TAB2: variants seen among roughly 807,000 people sequenced by gnomAD.
TAB2 encodes the protein TGF-beta-activated kinase 1 and MAP3K7-binding protein 2.
TAB2 carries 3 observed loss-of-function variants against 65.0 expected under a neutral mutation model. That is an observed-to-expected ratio of 0.05 (90% CI 0.02 to 0.12). The LOEUF is 0.12. Among genes scored for constraint, TAB2 ranks in the 10% least tolerant of loss-of-function variants. The pLI, the probability that TAB2 is intolerant of heterozygous loss-of-function variation, is 1.00. For missense variants in TAB2, 623 were observed against 840.3 expected (o/e 0.74, Z 3.20); for synonymous variants, 298 against 285.1 (o/e 1.05, Z -0.46).
chr6:149,364,358 C>G (rs1462586784), intron 1 of TAB2, among the ~76,000 whole-genome samples: 2 of 152,058 alleles, frequency 1.3e-5, no homozygotes, highest in Non-Finnish European at 2.9e-5. Flanking sequence ...GATCTTTGCT[C>G]TCTACAGTTT....
chr6:149,218,023 T>C (rs371379339), upstream of TAB2: 4 of 152,208 alleles, frequency 2.6e-5, no homozygotes, highest in East Asian at 1.9e-4. Flanking sequence ...AGGCCATTCA[T>C]AGCAGAACTA....
chr6:149,396,504 G>T (rs1782177229), intron 3 of TAB2, among the ~76,000 whole-genome samples: 1 of 152,174 alleles, frequency 6.6e-6, no homozygotes, highest in Middle Eastern at 3.2e-3. Context: ...TCTAGAGGTT[G>T]TTTAAAGTTC....
chr6:149,360,824 C>T (rs1242679829), intron 1 of TAB2, among the ~76,000 whole-genome samples: 1 of 152,170 alleles, frequency 6.6e-6, no homozygotes, highest in Non-Finnish European at 1.5e-5. Context: ...AATGGGGGTA[C>T]AGGCATGGGG....
intron 3 of TAB2, among the ~76,000 whole-genome samples, chr6:149,391,777 A>T (rs1204400114): frequency 2.6e-5 from 4 of 152,006 alleles, no homozygotes; most frequent in Non-Finnish European, 4.4e-5. Context: ...CTGGGCTCAA[A>T]TGACTCTCCC....
intron 1 of TAB2, among the ~76,000 whole-genome samples, chr6:149,310,333 T>G (rs1369773518): frequency 1.3e-5 from 2 of 152,182 alleles, no homozygotes; most frequent in East Asian, 3.9e-4. Flanking sequence ...AGACCCCATC[T>G]CAAAACAAAA....
Position 149,403,243 on chromosome 6 carries a change from A to T in TAB2, c.1939+4059A>T, listed in dbSNP as rs1184054177. Among the ~76,000 whole-genome samples, 34 of 48,922 alleles carry T rather than the reference A, an allele frequency of 6.9e-4. 1 individual carries two copies. The highest frequency in any genetic ancestry group is 9.8e-4 in the Non-Finnish European group (28 of 28,546). 32.1% of individuals were successfully genotyped at this position (48,922 alleles called of 152,430 possible). A position where few individuals can be genotyped will look rare whatever the true frequency, so the allele number is the denominator to read the frequency against. On this transcript the variant is annotated intron_variant, in intron 6 of 6. Transcript: ENST00000637181. ...GAGCGAAACTCTTGTCTAAAAAAAA[A>T]AAAAATATATATATATATATATATA... is the stretch of plus-strand genomic sequence containing the variant.
intron 1 of TAB2, among the ~76,000 whole-genome samples, chr6:149,284,086 C>T (rs1330684086): frequency 2.6e-5 from 4 of 152,144 alleles, no homozygotes; most frequent in Admixed American, 6.6e-5. Flanking sequence ...CTTTTTAGAG[C>T]ATTTAGTAGA....
At chr6:149,296,579 A>G (rs900101968) in intron 1 of TAB2, among the ~76,000 whole-genome samples, 10 of 152,124 alleles carry the variant, frequency 6.6e-5, no homozygotes, top group African/African-American at 2.4e-4. Context: ...AGGAGAGGGG[A>G]AATTGATTTG....
intron 2 of TAB2, among the ~76,000 whole-genome samples, chr6:149,376,377 G>A (rs1333679760): frequency 2.6e-5 from 4 of 152,046 alleles, no homozygotes; most frequent in Non-Finnish European, 4.4e-5. Flanking sequence ...AAACTCCTTT[G>A]TTATTTAATT....
chr6:149,267,644 G>C (rs1264147905), intron 1 of TAB2, among the ~76,000 whole-genome samples: 1 of 152,124 alleles, frequency 6.6e-6, no homozygotes, highest in Non-Finnish European at 1.5e-5. Context: ...TATGCTCCGA[G>C]AAATGCGTCG....
chr6:149,265,208 T>A (rs1485384329), intron 1 of TAB2, among the ~76,000 whole-genome samples: 10 of 145,334 alleles, frequency 6.9e-5, no homozygotes, highest in African/African-American at 1.3e-4. Flanking sequence ...TTTTTTTTTT[T>A]AAAGCACAGC....
At chr6:149,339,367 C>CA (rs200425896) in intron 1 of TAB2, among the ~76,000 whole-genome samples, 1,697 of 146,514 alleles carry the variant, frequency 0.012, 30 homozygotes, top group African/African-American at 0.039. Context: ...GACTCCGTTT[C>CA]AAAAAAAATG....
intron 1 of TAB2, among the ~76,000 whole-genome samples, chr6:149,254,059 G>GGAAGGA (rs1777941371): frequency 1.9e-5 from 2 of 103,736 alleles, no homozygotes; most frequent in East Asian, 3.2e-4. Flanking sequence ...GGGAGAGAGG[G>GGAAGGA]AGGAAGGAAG....
intron 1 of TAB2, among the ~76,000 whole-genome samples, chr6:149,337,239 G>T (rs1431265107): frequency 1.9e-5 from 2 of 104,818 alleles, no homozygotes; most frequent in African/African-American, 7.1e-5. Flanking sequence ...CGGTATAATT[G>T]GTTTTCTTAG....
At chr6:149,360,066 G>A (rs923935045) in intron 1 of TAB2, among the ~76,000 whole-genome samples, 5 of 152,048 alleles carry the variant, frequency 3.3e-5, no homozygotes, top group East Asian at 1.9e-4. Context: ...TGTATACTCC[G>A]TTTCCTAATC....
intron 1 of TAB2, among the ~76,000 whole-genome samples, chr6:149,289,388 T>C (rs1200004691): frequency 8.7e-6 from 1 of 114,854 alleles, no homozygotes; most frequent in Non-Finnish European, 1.7e-5. Context: ...AGCAAGACCC[T>C]GTCTCTAAAA....
intron 1 of TAB2, among the ~76,000 whole-genome samples, chr6:149,245,893 G>T (rs1193521498): frequency 6.6e-6 from 1 of 151,888 alleles, no homozygotes; most frequent in Non-Finnish European, 1.5e-5. Context: ...TCCCTCCTCT[G>T]CGTTTACACT....
At chr6:149,268,834 T>C (rs1050967560) in intron 1 of TAB2, among the ~76,000 whole-genome samples, 3 of 152,218 alleles carry the variant, frequency 2.0e-5, no homozygotes, top group Non-Finnish European at 2.9e-5. Context: ...TAAAAACTTG[T>C]TTATAAAACA....
At chr6:149,362,222 AC>A (rs1441632644) in intron 1 of TAB2, among the ~76,000 whole-genome samples, 1 of 152,212 alleles carries the variant, frequency 6.6e-6, no homozygotes, top group Admixed American at 6.5e-5. Context: ...GTAAAGACAT[AC>A]CCAAGATTAG....
Sources: gnomAD v4.1 joint callset for allele counts (sites outside exome capture counted in the v4.1 genomes callset) on GRCh38, gnomAD v4.1.1 for gene constraint, MANE v1.5 for transcripts, NCBI Gene and HGNC (gene_info 2026-07-23, HGNC 2026-07-21) for gene names.